The following DIS3L2 variants were observed in gnomAD, a reference collection of about 807,000 sequenced individuals.
The protein encoded by DIS3L2 is DIS3 like 3'-5' exoribonuclease 2.
In DIS3L2, 34 loss-of-function variants were observed where a neutral mutation model predicts 97.5. That is an observed-to-expected ratio of 0.35 (90% confidence interval 0.27 to 0.46). DIS3L2 has a LOEUF of 0.46. Among genes scored for constraint, DIS3L2 ranks in the 20% least tolerant of loss-of-function variants. The pLI is 1.00. For synonymous variants in DIS3L2, 435 were observed against 445.2 expected (o/e 0.98, Z 0.29); for missense variants, 1,038 against 1,146.0 (o/e 0.91, Z 1.36).
intron 1 of DIS3L2, among the ~76,000 whole-genome samples, chr2:231,973,255 G>T (rs1251909661): frequency 6.6e-6 from 1 of 150,574 alleles, no homozygotes; most frequent in African/African-American, 2.5e-5. Flanking sequence ...CTTTTCAGAA[G>T]ATCCGTATGT....
intron 14 of DIS3L2, among the ~76,000 whole-genome samples, chr2:232,327,056 C>T (rs1476368777): frequency 6.6e-6 from 1 of 152,184 alleles, no homozygotes; most frequent in East Asian, 1.9e-4. Context: ...TACTGAAAAC[C>T]ATGAGAAGGG....
At chr2:232,173,193 A>T (rs1691042707) in intron 9 of DIS3L2, among the ~76,000 whole-genome samples, 1 of 152,156 alleles carries the variant, frequency 6.6e-6, no homozygotes, top group Non-Finnish European at 1.5e-5. Flanking sequence ...TGTCATATCT[A>T]TAAAAACCAT....
intron 6 of DIS3L2, among the ~76,000 whole-genome samples, chr2:232,104,240 G>A (rs1002770362): frequency 2.6e-5 from 4 of 152,134 alleles, no homozygotes; most frequent in African/African-American, 9.7e-5. Flanking sequence ...TTAATTCCTT[G>A]AGTAACTCCT....
At chr2:232,094,559 A>G (rs550619262) in intron 6 of DIS3L2, among the ~76,000 whole-genome samples, 54 of 151,954 alleles carry the variant, frequency 3.6e-4, no homozygotes, top group Non-Finnish European at 5.1e-4. Flanking sequence ...CTCTTCTAAA[A>G]ATAGAAAAAT....
intron 10 of DIS3L2, among the ~76,000 whole-genome samples, chr2:232,234,246 A>G (rs1392356298): frequency 6.6e-6 from 1 of 152,262 alleles, no homozygotes; most frequent in African/African-American, 2.4e-5. Flanking sequence ...TCATCTGTGC[A>G]AAACGATATG....
intron 1 of DIS3L2, among the ~76,000 whole-genome samples, chr2:231,979,042 T>C (rs1050693899): frequency 2.0e-5 from 3 of 152,174 alleles, no homozygotes; most frequent in Admixed American, 2.0e-4. Context: ...TGATTTGTCT[T>C]TATGATTCCT....
Position 232,010,433 on chromosome 2 carries a change from C to T in DIS3L2, c.-93-4402C>T, listed in dbSNP as rs573617800. ...GGTATTAAGTAGTGTCTTAATACTA[C>T]TTGTTGATTAATCCATGTACTTCTT... On this transcript the variant is annotated intron_variant, in intron 1 of 20. Coordinates refer to ENST00000325385, the MANE Select transcript of DIS3L2 (RefSeq NM_152383.5). Among the ~76,000 whole-genome samples the T allele has an allele frequency of 2.5e-4, 38 of 152,008 alleles. 1 individual carries two copies. The highest frequency in any genetic ancestry group is 8.9e-4 in the African/African-American group (37 of 41,486).
intron 1 of DIS3L2, among the ~76,000 whole-genome samples, chr2:232,001,184 G>A (rs994314588): frequency 6.6e-6 from 1 of 152,068 alleles, no homozygotes; most frequent in Admixed American, 6.5e-5. Flanking sequence ...AGTGTACAAG[G>A]GTTCTCTTGC....
intron 14 of DIS3L2, among the ~76,000 whole-genome samples, chr2:232,322,662 C>G (rs1357550202): frequency 7.2e-5 from 11 of 152,234 alleles, no homozygotes; most frequent in Admixed American, 7.2e-4. Context: ...TTCAAACTTG[C>G]AGCAGCAAAG....
chr2:232,186,650 A>C (rs888380667), intron 9 of DIS3L2, among the ~76,000 whole-genome samples: 2 of 152,222 alleles, frequency 1.3e-5, no homozygotes, highest in Non-Finnish European at 2.9e-5. Context: ...TATTCAGCAA[A>C]ATTTTAGCTA....
At chr2:232,185,415 CA>C (rs145454759) in intron 9 of DIS3L2, among the ~76,000 whole-genome samples, 1,592 of 152,200 alleles carry the variant, frequency 0.01, 30 homozygotes, top group African/African-American at 0.036. Flanking sequence ...AATGAAAGCA[CA>C]ACATATTAAA....
intron 16 of DIS3L2, among the ~76,000 whole-genome samples, chr2:232,333,203 TCCTCCTCCTCCTC>T (rs1184812443): frequency 1.4e-5 from 1 of 70,470 alleles, no homozygotes; most frequent in Non-Finnish European, 2.4e-5. Flanking sequence ...CTCCTCCTCC[TCCTCCTCCTCCTC>T]CTCCGCTGTC....
intron 13 of DIS3L2, among the ~76,000 whole-genome samples, chr2:232,291,782 G>C (rs1316757133): frequency 6.6e-6 from 1 of 152,246 alleles, no homozygotes. Flanking sequence ...TGCTGGGGCT[G>C]TAAGTACCTT....
chr2:232,082,009 C>G (rs1271906702), intron 5 of DIS3L2, among the ~76,000 whole-genome samples: 1 of 152,148 alleles, frequency 6.6e-6, no homozygotes, highest in Non-Finnish European at 1.5e-5. Context: ...AGGCTGGTCT[C>G]GAACTCCTGA....
intron 5 of DIS3L2, among the ~76,000 whole-genome samples, chr2:232,081,926 A>G (rs1407593671): frequency 6.6e-6 from 1 of 152,188 alleles, no homozygotes; most frequent in East Asian, 1.9e-4. Context: ...AGTAGCTGGG[A>G]CTACAAGCAC....
chr2:231,971,711 G>C (rs1692918675), intron 1 of DIS3L2, among the ~76,000 whole-genome samples: 1 of 151,918 alleles, frequency 6.6e-6, no homozygotes, highest in Non-Finnish European at 1.5e-5. Context: ...CTCCCAAAGT[G>C]CTGGGATTAC....
intron 5 of DIS3L2, 38 bp from the exon 6 acceptor site, chr2:232,087,448 TC>T: frequency 2.7e-6 from 4 of 1,462,002 alleles, no homozygotes; most frequent in Admixed American, 2.3e-5. Flanking sequence ...TTTTTTTTCC[TC>T]TCTCAGTGAT....
At chr2:232,046,002 C>T (rs1409511983) in intron 5 of DIS3L2, among the ~76,000 whole-genome samples, 11 of 152,056 alleles carry the variant, frequency 7.2e-5, no homozygotes, top group Non-Finnish European at 1.6e-4. Flanking sequence ...ATAACACTGG[C>T]GACACCTGAA....
chr2:232,264,604 G>A lies in DIS3L2; in HGVS notation c.1659+1164G>A, dbSNP rs533861044. 4.6e-5 allele frequency among the ~76,000 whole-genome samples: 7 copies of A among 152,136 alleles called. No individual in the cohort carries two copies. In the South Asian group the frequency reaches 1.2e-3, roughly 27 times the overall value. ...GTTGTGTGCTCTGGGAAGTTTCCAC[G>A]TGTCTGAAATGAGGTGGGTAGGAGC... is the stretch of plus-strand genomic sequence containing the variant. On this transcript the variant is annotated intron_variant, in intron 13 of 20. Coordinates refer to ENST00000325385, the MANE Select transcript of DIS3L2 (RefSeq NM_152383.5).
Sources: gnomAD v4.1 joint callset for allele counts (sites outside exome capture counted in the v4.1 genomes callset) on GRCh38, gnomAD v4.1.1 for gene constraint, MANE v1.5 for transcripts, NCBI Gene and HGNC (gene_info 2026-07-23, HGNC 2026-07-21) for gene names.